Variants in ZFR2 observed in about 807,000 individuals in gnomAD.
The protein encoded by ZFR2 is zinc finger RNA-binding protein 2.
A neutral mutation model predicts 105.7 loss-of-function variants in ZFR2; 104 were observed. The ratio of observed to expected loss-of-function variants is 0.98; its 90% CI spans 0.84 to 1.16. The LOEUF (loss-of-function observed/expected upper bound fraction) is 1.16. ZFR2 is among the 50% of genes most tolerant of loss of function. The probability of loss-of-function intolerance (pLI) is 0.00; values close to 1 mark genes in which losing one functional copy is unlikely to be tolerated. For missense variants in ZFR2, 1,425 were observed against 1,355.5 expected (o/e 1.05, Z -0.80); for synonymous variants, 634 against 597.7 (o/e 1.06, Z -0.89).
rs940642786 is a variant in ZFR2 at position 3,808,933 on chromosome 19, C to T, written c.2484G>A (p.Leu828=). ...EKAVSSAAGP[L]GPGDAVRRVL... The stretch of plus-strand genomic sequence containing the variant: ...CTCGCCTGACTGCATCCCCGGGGCC[C>T]AGGGGCCCAGCCGCACTGCTCACAG... Residue 828 remains leucine (L), a synonymous_variant, in exon 17 of 19, where the codon CTG becomes CTA. Coordinates refer to ENST00000262961, the MANE Select transcript of ZFR2 (RefSeq NM_015174.2). The T allele has an allele frequency of 1.3e-6, 2 of 1,572,334 alleles. No homozygotes were observed. Among genetic ancestry groups the T allele is most frequent in the African/African-American group, 1.4e-5 (1 of 74,036 alleles).
At chr19:3,817,176 G>A (rs1037410554) in intron 12 of ZFR2, among the ~76,000 whole-genome samples, 1 of 152,168 alleles carries the variant, frequency 6.6e-6, no homozygotes, top group Non-Finnish European at 1.5e-5. Context: ...CACGGACTCT[G>A]TCACCCTGTT....
chr19:3,822,909 A>G (rs1012918074), intron 8 of ZFR2, among the ~76,000 whole-genome samples: 3 of 152,186 alleles, frequency 2.0e-5, no homozygotes, highest in Admixed American at 6.5e-5. Context: ...AAGGGGCTAG[A>G]CAGAAGGGCT....
Position 3,805,692 on chromosome 19 carries a change from A to T in ZFR2, c.*257T>A. On this transcript the variant is annotated 3_prime_UTR_variant, in exon 19 of 19. Coordinates refer to ENST00000262961, the MANE Select transcript of ZFR2 (RefSeq NM_015174.2). Reference sequence around the variant, plus strand: ...TGATTTTTAAAAATATTTTGGAGAGATGGGGGTCTCACTCTGTTGTCTGGG... The same window carrying T: ...TGATTTTTAAAAATATTTTGGAGAGTTGGGGGTCTCACTCTGTTGTCTGGG... The T allele has an allele frequency of 2.4e-6, 1 of 414,360 alleles. No homozygotes were observed. The highest frequency in any genetic ancestry group is 4.2e-6 in the Non-Finnish European group (1 of 235,656). 25.7% of individuals were successfully genotyped at this position (414,360 alleles called of 1,614,324 possible). A position where few individuals can be genotyped will look rare whatever the true frequency, so the allele number is the denominator to read the frequency against.
At chr19:3,807,097 T>C in intron 18 of ZFR2, 75 bp downstream of exon 18, 1 of 1,161,554 alleles carries the variant, frequency 8.6e-7, no homozygotes, top group Non-Finnish European at 1.2e-6. Flanking sequence ...CCCAGGCCAT[T>C]TCGGGGAACA....
chr19:3,813,888 T>C lies in ZFR2; in HGVS notation c.2174A>G (p.Glu725Gly), dbSNP rs1599222406. Residue 725 changes from glutamate to glycine, a missense_variant, in exon 14 of 19, where the codon GAG (glutamate) becomes GGG (glycine). Coordinates refer to ENST00000262961, the MANE Select transcript of ZFR2 (RefSeq NM_015174.2). This position sits in a 1 kb window ranked among gnomAD's most constrained non-coding sequence, Gnocchi z 4.4. ...AGATATGGTGACCTGCATCCTGGGC[T>C]CCTCACAGGAGGAGATGACAATGTT... Reference protein sequence around the residue: ...EANIVISSCEEPRMQVTISVT... With the variant: ...EANIVISSCEGPRMQVTISVT... 2 of 1,613,846 alleles carry C rather than the reference T, an allele frequency of 1.2e-6. No individual in the cohort carries two copies. Among genetic ancestry groups the C allele is most frequent in the African/African-American group, 1.3e-5 (1 of 75,010 alleles).
At chr19:3,866,395 CGTGT>C in intron 1 of ZFR2, among the ~76,000 whole-genome samples, 1 of 150,232 alleles carries the variant, frequency 6.7e-6, no homozygotes, top group African/African-American at 2.5e-5. Context: ...CACCGGGTTG[CGTGT>C]ATACTGTATC....
At chr19:3,824,632 C>T (rs749331894) in intron 7 of ZFR2, among the ~76,000 whole-genome samples, 11 of 152,070 alleles carry the variant, frequency 7.2e-5, no homozygotes, top group Non-Finnish European at 1.5e-4. Flanking sequence ...GCACCCGGCA[C>T]CAGGCCAGAT....
Position 3,805,935 on chromosome 19 carries a change from G to A in ZFR2, c.*14C>T. ...CAGGGATGCAAAGGCCCGCAGGTGG[G>A]GGAGGTAGGCGGCTCACACGAGCCC... On this transcript the variant is annotated 3_prime_UTR_variant, in exon 19 of 19. Transcript: ENST00000262961. The A allele has an allele frequency of 4.6e-6, 7 of 1,520,824 alleles. No homozygotes were observed. The highest frequency in any genetic ancestry group is 6.2e-6 in the Non-Finnish European group (7 of 1,138,140). 94.2% of individuals were successfully genotyped at this position (1,520,824 alleles called of 1,614,324 possible). A position where few individuals can be genotyped will look rare whatever the true frequency, so the allele number is the denominator to read the frequency against.
At chr19:3,822,242 G>T in intron 8 of ZFR2, 42 bp from the exon 9 acceptor site, 1 of 1,547,338 alleles carries the variant, frequency 6.5e-7, no homozygotes. Context: ...GCACGAGGCG[G>T]GGTGGGATGT....
chr19:3,822,010 C>G (rs28510805), intron 9 of ZFR2, 71 bp downstream of exon 9: 840,544 of 1,513,656 alleles, frequency 0.56, 236,443 homozygotes, highest in East Asian at 0.82. Flanking sequence ...GGCCCGACCA[C>G]AGGCCTCCCA....
At position 3,858,533 on chromosome 19, in the gene ZFR2, CTCAG is replaced by C. The variant is rs1442382935; in HGVS notation, c.53+10428_53+10431del. Among the ~76,000 whole-genome samples the C allele has an allele frequency of 4.6e-5, 7 of 152,162 alleles. No homozygotes were observed. The highest frequency in any genetic ancestry group is 4.6e-4 in the Admixed American group (7 of 15,258). On this transcript the variant is annotated intron_variant, in intron 1 of 18. Coordinates refer to ENST00000262961, the MANE Select transcript of ZFR2 (RefSeq NM_015174.2). This position sits in a 1 kb window ranked among gnomAD's most constrained non-coding sequence, Gnocchi z 4.3. Reference sequence around the variant, plus strand: ...TCATCATTCTTTCTAAAAACAAGGACTCAGTCAGGTGCAGTGGCTCACGCCTATA... The same window carrying C: ...TCATCATTCTTTCTAAAAACAAGGACTCAGGTGCAGTGGCTCACGCCTATA...
At chr19:3,809,094 A>C in intron 16 of ZFR2, 111 bp from the exon 17 acceptor site, 2 of 742,658 alleles carry the variant, frequency 2.7e-6, no homozygotes, top group Non-Finnish European at 4.0e-6. Flanking sequence ...TCTTTCTCTA[A>C]CTCCCACCAC....
chr19:3,807,556 C>CGT (rs1555752050), intron 17 of ZFR2, among the ~76,000 whole-genome samples: 1 of 152,002 alleles, frequency 6.6e-6, no homozygotes, highest in Admixed American at 6.5e-5. Context: ...CATACGCTGA[C>CGT]GTGTGTGTCC....
In ZFR2 at chr19:3,805,863, G is replaced by T; in HGVS notation, c.*86C>A. The T allele has an allele frequency of 2.2e-6, 3 of 1,373,474 alleles. No individual in the cohort carries two copies. The highest frequency in any genetic ancestry group is 2.9e-6 in the Non-Finnish European group (3 of 1,049,228). The allele number at this position is 1,373,474 out of a possible 1,614,324, so 85.1% of individuals were successfully genotyped here. On this transcript the variant is annotated 3_prime_UTR_variant, in exon 19 of 19. Transcript: ENST00000262961. ...CAAAAGGAAATGACCATTGTCCAAC[G>T]TCGGGGATGAAGCAGCCATTGGTCG... is the stretch of plus-strand genomic sequence containing the variant.
chr19:3,833,866 C>T, intron 2 of ZFR2, 88 bp from the exon 3 acceptor site: 1 of 1,004,876 alleles, frequency 1.0e-6, no homozygotes, highest in Non-Finnish European at 1.5e-6. Flanking sequence ...ACACTGCACT[C>T]TGCACTTAGT....
intron 1 of ZFR2, among the ~76,000 whole-genome samples, chr19:3,854,924 T>A (rs1489246301): frequency 1.3e-5 from 2 of 152,152 alleles, no homozygotes; most frequent in Non-Finnish European, 2.9e-5. Flanking sequence ...CACACCCAGA[T>A]AATTTTTAAA....
chr19:3,859,337 G>A (rs554408133), intron 1 of ZFR2, among the ~76,000 whole-genome samples: 24 of 152,312 alleles, frequency 1.6e-4, no homozygotes, highest in Admixed American at 5.9e-4. Flanking sequence ...TCGGCTTCCC[G>A]ACTTTTGAGG....
At position 3,849,786 on chromosome 19, in the gene ZFR2, A is replaced by G. The variant is rs957894772; in HGVS notation, c.54-14803T>C. 3.3e-5 allele frequency among the ~76,000 whole-genome samples: 5 copies of G among 152,224 alleles called. No homozygotes were observed. The South Asian group carries it at 8.3e-4, about 25-fold the overall frequency. ...ACGCTCTTCTTGTAGACAACCCTGA[A>G]CAGCAATGCTCAGGCACGCTACAGT... On this transcript the variant is annotated intron_variant, in intron 1 of 18. Coordinates refer to ENST00000262961, the MANE Select transcript of ZFR2 (RefSeq NM_015174.2).
chr19:3,809,570 G>A (rs981468539), intron 16 of ZFR2, among the ~76,000 whole-genome samples: 7 of 152,196 alleles, frequency 4.6e-5, no homozygotes, highest in African/African-American at 1.7e-4. Flanking sequence ...CTCCACGTCA[G>A]GACAGCCGCA....
Sources: allele counts gnomAD v4.1 joint callset (sites outside exome capture counted in the v4.1 genomes callset), GRCh38; gene constraint gnomAD v4.1.1; non-coding constraint Gnocchi (gnomAD v3.1); transcripts MANE v1.5; gene names NCBI Gene and HGNC (gene_info 2026-07-23, HGNC 2026-07-21).